The following FBXO11 variants were observed in gnomAD, a reference collection of about 807,000 sequenced individuals.
FBXO11 encodes the protein F-box only protein 11.
Under a neutral mutation model 117.0 loss-of-function variants are expected in FBXO11, and 13 were observed. The observed-to-expected ratio is 0.11, with a 90% CI of 0.07 to 0.18. The LOEUF (loss-of-function observed/expected upper bound fraction) is 0.18, where lower values mean the gene tolerates loss of function less well. Ranked by LOEUF, FBXO11 falls within the 10% of genes least tolerant of loss-of-function variation. The probability of loss-of-function intolerance (pLI) is 1.00; values close to 1 mark genes in which losing one functional copy is unlikely to be tolerated. For synonymous variants in FBXO11, 490 were observed against 380.5 expected (o/e 1.29, Z -3.35); for missense variants, 767 against 1,164.4 (o/e 0.66, Z 4.97).
Position 47,810,435 on chromosome 2 carries a change from A to G in FBXO11, c.2228-9T>C. ...ATTTTCTTCAAGGAGACCTATAATAAAATATTTCCTTAGATTAAGGCTAAT... is the reference window on the plus strand; with the variant it reads ...ATTTTCTTCAAGGAGACCTATAATAGAATATTTCCTTAGATTAAGGCTAAT... On this transcript the variant is annotated splice_polypyrimidine_tract_variant and intron_variant, in intron 18 of 22. Coordinates refer to ENST00000403359, the MANE Select transcript of FBXO11 (RefSeq NM_001190274.2). The G allele has an allele frequency of 6.4e-7, 1 of 1,570,464 alleles. No homozygotes were observed.
chr2:47,841,078 G>C (rs1168316904), intron 1 of FBXO11, among the ~76,000 whole-genome samples: 2 of 151,822 alleles, frequency 1.3e-5, no homozygotes, highest in Non-Finnish European at 2.9e-5. Flanking sequence ...GGCGCCCGTA[G>C]TCCCAGCTAC....
chr2:47,900,908 A>G (rs1436080600), intron 1 of FBXO11, among the ~76,000 whole-genome samples: 1 of 132,356 alleles, frequency 7.6e-6, no homozygotes. Flanking sequence ...ACACACATAT[A>G]TATGTATATA....
chr2:47,905,426 G>GCCCT (rs2104135466), intron 1 of FBXO11, 63 bp downstream of exon 1: 1 of 1,094,524 alleles, frequency 9.1e-7, no homozygotes, highest in Non-Finnish European at 1.1e-6. Context: ...CCGCCCGCCC[G>GCCCT]CCCCGGCCTC....
At chr2:47,820,001 T>G (rs1198122105) in intron 14 of FBXO11, among the ~76,000 whole-genome samples, 1 of 152,196 alleles carries the variant, frequency 6.6e-6, no homozygotes, top group Non-Finnish European at 1.5e-5. Flanking sequence ...CTTCAGTGAC[T>G]CATACAGTAG....
intron 1 of FBXO11, among the ~76,000 whole-genome samples, chr2:47,858,488 C>T (rs140005203): frequency 6.6e-6 from 1 of 150,532 alleles, no homozygotes; most frequent in Non-Finnish European, 1.5e-5. Flanking sequence ...TCAAGACCAA[C>T]CTGGCCATCA....
intron 7 of FBXO11, 26 bp from the exon 8 acceptor site, chr2:47,833,096 A>T (rs762787514): frequency 3.4e-6 from 5 of 1,487,090 alleles, no homozygotes; most frequent in Middle Eastern, 3.9e-4. Context: ...TTTAAAGAAT[A>T]TTACCTTTAT....
chr2:47,899,283 A>AG (rs1022838731), intron 1 of FBXO11, among the ~76,000 whole-genome samples: 8 of 151,956 alleles, frequency 5.3e-5, no homozygotes, highest in African/African-American at 1.9e-4. Context: ...CAAAAAAAAA[A>AG]AAAAAAAAAA....
chr2:47,830,158 G>C (rs1038169138), intron 11 of FBXO11, among the ~76,000 whole-genome samples: 2 of 152,048 alleles, frequency 1.3e-5, no homozygotes, highest in African/African-American at 4.8e-5. Context: ...ATCAGCAAAA[G>C]CCAAAATATG....
chr2:47,854,256 C>CTT (rs772726905), intron 1 of FBXO11, among the ~76,000 whole-genome samples: 2 of 142,980 alleles, frequency 1.4e-5, no homozygotes, highest in Non-Finnish European at 1.5e-5. Flanking sequence ...GTCCCCAGGA[C>CTT]TTTTTTTTTT....
At chr2:47,817,056 A>G (rs1189905119) in intron 16 of FBXO11, among the ~76,000 whole-genome samples, 1 of 152,020 alleles carries the variant, frequency 6.6e-6, no homozygotes. Context: ...TTCCAATATA[A>G]AACTATTGAG....
chr2:47,814,817 T>A (rs1670896755), intron 16 of FBXO11, among the ~76,000 whole-genome samples: 1 of 152,244 alleles, frequency 6.6e-6, no homozygotes. Flanking sequence ...TTGTTGTCAA[T>A]CCTTGCCAAC....
At chr2:47,875,347 G>A (rs1008353398) in intron 1 of FBXO11, among the ~76,000 whole-genome samples, 18 of 152,188 alleles carry the variant, frequency 1.2e-4, no homozygotes, top group Admixed American at 5.2e-4. Flanking sequence ...TTATCTTCGC[G>A]TTTATCTTCT....
At chr2:47,900,573 T>C (rs1678039014) in intron 1 of FBXO11, among the ~76,000 whole-genome samples, 1 of 139,340 alleles carries the variant, frequency 7.2e-6, no homozygotes, top group South Asian at 2.2e-4. Flanking sequence ...TATACACACG[T>C]ATACACACAT....
At chr2:47,904,079 A>C (rs1678542750) in intron 1 of FBXO11, among the ~76,000 whole-genome samples, 1 of 152,196 alleles carries the variant, frequency 6.6e-6, no homozygotes, top group African/African-American at 2.4e-5. Flanking sequence ...CTATTTTCCG[A>C]TTAACATCTC....
intron 1 of FBXO11, among the ~76,000 whole-genome samples, chr2:47,866,426 C>T (rs934954356): frequency 6.6e-6 from 1 of 151,680 alleles, no homozygotes; most frequent in East Asian, 1.9e-4. Flanking sequence ...TAAAAAACTG[C>T]GTCCCAAAAT....
intron 1 of FBXO11, 42 bp downstream of exon 1, chr2:47,905,447 G>C: frequency 1.7e-6 from 2 of 1,204,170 alleles, no homozygotes; most frequent in Non-Finnish European, 2.1e-6. Flanking sequence ...CCTTCCCGCG[G>C]TGCCCGGGAA....
chr2:47,836,139 C>A, intron 4 of FBXO11, 138 bp from the exon 5 acceptor site: 1 of 564,288 alleles, frequency 1.8e-6, no homozygotes, highest in Non-Finnish European at 2.9e-6. Flanking sequence ...AATATTAAAT[C>A]ACAGGATTTT....
rs767159504 is a variant in FBXO11, at chr2:47,839,735, T to C, written c.267A>G (p.Glu89=). 2 of 1,614,020 alleles carry C rather than the reference T, an allele frequency of 1.2e-6. No individual in the cohort carries two copies. Among genetic ancestry groups the C allele is most frequent in the Non-Finnish European group, 1.7e-6 (2 of 1,179,968 alleles). Reference sequence around the variant, plus strand: ...GACTATTTTGTGCACCAGGACCTGATTCTTCTGCAACCATATCTGCAGGCA... The same window carrying C: ...GACTATTTTGTGCACCAGGACCTGACTCTTCTGCAACCATATCTGCAGGCA... ...DDVPADMVAE[E]SGPGAQNSPY... is the part of the protein sequence containing the mutation. Residue 89 remains glutamate (E), a synonymous_variant, in exon 2 of 23, where the codon GAA becomes GAG. Coordinates refer to ENST00000403359, the MANE Select transcript of FBXO11 (RefSeq NM_001190274.2).
intron 1 of FBXO11, among the ~76,000 whole-genome samples, chr2:47,899,151 G>A (rs2104041446): frequency 6.6e-6 from 1 of 151,956 alleles, no homozygotes; most frequent in Middle Eastern, 3.4e-3. Flanking sequence ...GTGGGCACCT[G>A]TAGTCCCAGC....
Sources: allele counts gnomAD v4.1 joint callset (sites outside exome capture counted in the v4.1 genomes callset), GRCh38; gene constraint gnomAD v4.1.1; transcripts MANE v1.5; gene names NCBI Gene and HGNC (gene_info 2026-07-23, HGNC 2026-07-21).